NKAIN2: variants seen among roughly 807,000 people sequenced by gnomAD.
NKAIN2 encodes the protein sodium/potassium-transporting ATPase subunit beta-1-interacting protein 2.
In NKAIN2, 14 loss-of-function variants were observed where a neutral mutation model predicts 32.6. The observed-to-expected ratio is 0.43, with a 90% CI of 0.28 to 0.67. NKAIN2 has a LOEUF of 0.67. Ranked by LOEUF, NKAIN2 falls within the 30% of genes least tolerant of loss-of-function variation. The pLI, the probability that NKAIN2 is intolerant of heterozygous loss-of-function variation, is 0.17. For missense variants in NKAIN2, 198 were observed against 258.3 expected, an observed-to-expected ratio of 0.77 and a Z score of 1.60; for synonymous variants, 80 against 87.2, an observed-to-expected ratio of 0.92 and a Z score of 0.46.
chr6:124,269,570 C>T (rs925298108), intron 1 of NKAIN2, among the ~76,000 whole-genome samples: 16 of 151,348 alleles, frequency 1.1e-4, no homozygotes, highest in Admixed American at 2.6e-4. Context: ...CAAGTTCAAG[C>T]GATTCTCCTG....
intron 2 of NKAIN2, among the ~76,000 whole-genome samples, chr6:124,318,292 A>G (rs9491116): frequency 2.6e-5 from 4 of 151,772 alleles, no homozygotes; most frequent in South Asian, 4.1e-4. Flanking sequence ...AATTTTGTCA[A>G]ACTTTGTCAC....
At chr6:124,326,480 A>C (rs1797415994) in intron 2 of NKAIN2, among the ~76,000 whole-genome samples, 1 of 152,044 alleles carries the variant, frequency 6.6e-6, no homozygotes. Context: ...TGCCTCTCAG[A>C]GCTAAGCCCA....
intron 3 of NKAIN2, among the ~76,000 whole-genome samples, chr6:124,537,533 C>T (rs1197413173): frequency 2.0e-5 from 3 of 152,162 alleles, no homozygotes; most frequent in African/African-American, 7.2e-5. Flanking sequence ...TATAAACACA[C>T]ACAGTATATA....
intron 2 of NKAIN2, among the ~76,000 whole-genome samples, chr6:124,346,744 G>C (rs1246046106): frequency 6.6e-6 from 1 of 151,690 alleles, no homozygotes; most frequent in East Asian, 1.9e-4. Context: ...ATGTGAGATG[G>C]GTTTCCTGAA....
intron 1 of NKAIN2, among the ~76,000 whole-genome samples, chr6:123,836,340 A>G (rs1774620009): frequency 6.6e-6 from 1 of 152,094 alleles, no homozygotes. Context: ...ACCTTAACCA[A>G]ATGACAAAGA....
At chr6:124,666,211 A>T (rs1772787899) in intron 4 of NKAIN2, among the ~76,000 whole-genome samples, 3 of 152,196 alleles carry the variant, frequency 2.0e-5, no homozygotes, top group Admixed American at 6.5e-5. Context: ...ACATCAGAAT[A>T]GTTTATAAAA....
chr6:124,178,147 A>T (rs1424474220), intron 1 of NKAIN2, among the ~76,000 whole-genome samples: 1 of 152,124 alleles, frequency 6.6e-6, no homozygotes, highest in South Asian at 2.1e-4. Flanking sequence ...AAACAGGAAG[A>T]AGAGGGCTTC....
chr6:124,086,992 T>A (rs1784215721), intron 1 of NKAIN2, among the ~76,000 whole-genome samples: 1 of 151,752 alleles, frequency 6.6e-6, no homozygotes, highest in Non-Finnish European at 1.5e-5. Flanking sequence ...TAGGCTAATA[T>A]CTCCCTTGAA....
At chr6:124,703,526 T>C (rs1027250495) in intron 4 of NKAIN2, among the ~76,000 whole-genome samples, 4 of 152,020 alleles carry the variant, frequency 2.6e-5, no homozygotes, top group Non-Finnish European at 5.9e-5. Context: ...CATTCAACTG[T>C]ACTTTTTAGT....
At chr6:124,581,110 T>C (rs575010243) in intron 3 of NKAIN2, among the ~76,000 whole-genome samples, 13 of 152,272 alleles carry the variant, frequency 8.5e-5, no homozygotes, top group Middle Eastern at 3.4e-3. Flanking sequence ...CACCCTACTT[T>C]CAGCATTAGA....
chr6:124,243,455 A>G (rs1582912818), intron 1 of NKAIN2, among the ~76,000 whole-genome samples: 1 of 151,938 alleles, frequency 6.6e-6, no homozygotes, highest in East Asian at 1.9e-4. Flanking sequence ...AGATCATGCC[A>G]CGGTACTCCA....
intron 2 of NKAIN2, among the ~76,000 whole-genome samples, chr6:124,298,052 T>A (rs868843752): frequency 6.6e-6 from 1 of 152,192 alleles, no homozygotes; most frequent in Non-Finnish European, 1.5e-5. Flanking sequence ...TCAAATGTTA[T>A]CTATTATGTT....
At chr6:124,795,640 C>T (rs2786912) in intron 5 of NKAIN2, among the ~76,000 whole-genome samples, 62,574 of 151,938 alleles carry the variant, frequency 0.41, 14,043 homozygotes, top group Non-Finnish European at 0.49. Flanking sequence ...ATTTATTTCT[C>T]ACAGTTTTGG....
At chr6:124,227,262 A>C (rs1349775002) in intron 1 of NKAIN2, among the ~76,000 whole-genome samples, 1 of 152,036 alleles carries the variant, frequency 6.6e-6, no homozygotes, top group East Asian at 1.9e-4. Flanking sequence ...AGACATGTGG[A>C]TTATGGACTG....
intron 1 of NKAIN2, among the ~76,000 whole-genome samples, chr6:124,148,836 A>C (rs1236545930): frequency 1.3e-5 from 2 of 152,206 alleles, no homozygotes; most frequent in Non-Finnish European, 2.9e-5. Flanking sequence ...AACTAGGATG[A>C]GATTGCTATG....
At chr6:124,172,645 T>C (rs1432063556) in intron 1 of NKAIN2, among the ~76,000 whole-genome samples, 1 of 152,142 alleles carries the variant, frequency 6.6e-6, no homozygotes, top group Admixed American at 6.6e-5. Flanking sequence ...GTAAAAAAGT[T>C]CCAAAGCCTG....
At chr6:124,715,833 G>T (rs1459101118) in intron 4 of NKAIN2, among the ~76,000 whole-genome samples, 3 of 152,064 alleles carry the variant, frequency 2.0e-5, no homozygotes, top group Admixed American at 6.5e-5. Flanking sequence ...CTAGATTCTG[G>T]CTAAAGCGAA....
intron 3 of NKAIN2, among the ~76,000 whole-genome samples, chr6:124,411,198 G>T (rs145622221): frequency 0.065 from 9,920 of 151,802 alleles, 970 homozygotes; most frequent in African/African-American, 0.21. Context: ...ATTAGTATTG[G>T]TATGTGTGAA....
At position 124,240,486 on chromosome 6, in the gene NKAIN2, A is replaced by G. The variant is rs1031926717; in HGVS notation, c.55-42519A>G. 4.6e-5 allele frequency among the ~76,000 whole-genome samples: 7 copies of G among 152,196 alleles called. No homozygotes were observed. The East Asian group carries it at 1.2e-3, about 25-fold the overall frequency. On this transcript the variant is annotated intron_variant, in intron 1 of 6. Coordinates refer to ENST00000368417, the MANE Select transcript of NKAIN2 (RefSeq NM_001040214.3). ...AATATCCCTGATGATCATCAGTGCA[A>G]AAATCCTCAATAAAATACTGGCAAA...
Sources: gnomAD v4.1 joint callset for allele counts (sites outside exome capture counted in the v4.1 genomes callset) on GRCh38, gnomAD v4.1.1 for gene constraint, MANE v1.5 for transcripts, NCBI Gene and HGNC (gene_info 2026-07-23, HGNC 2026-07-21) for gene names.